Variants in PTGER3 observed in about 807,000 individuals in gnomAD.
The protein encoded by PTGER3 is prostaglandin E2 receptor EP3 subtype.
PTGER3 carries 22 observed loss-of-function variants against 34.7 expected under a neutral mutation model. The observed-to-expected ratio is 0.63, with a 90% CI of 0.45 to 0.91. The LOEUF is 0.91. Ranked by LOEUF, PTGER3 falls within the 40% of genes least tolerant of loss-of-function variation. PTGER3 has a pLI of 0.00. For synonymous variants in PTGER3, 241 were observed against 230.1 expected (o/e 1.05, Z -0.43); for missense variants, 468 against 519.4 (o/e 0.90, Z 0.96).
intron 4 of PTGER3, among the ~76,000 whole-genome samples, chr1:70,940,741 AC>A: frequency 1.3e-5 from 2 of 152,278 alleles, no homozygotes; most frequent in South Asian, 4.2e-4. Flanking sequence ...CCCTCCCACA[AC>A]ACGTGGGAAT....
Position 71,007,611 on chromosome 1 carries a change from C to T in PTGER3, c.1077+4694G>A, listed in dbSNP as rs2100838471. On this transcript the variant is annotated intron_variant, in intron 2 of 3. Transcript: ENST00000306666. ...CATATCTTTTTCTATGTTCTCTGCC[C>T]CACCCACATGAGTATCCTTTCAAAA... 3.0e-6 allele frequency: 3 copies of T among 985,304 alleles called. No homozygotes were observed. In the South Asian group the frequency reaches 1.4e-4, roughly 46 times the overall value. 61.0% of individuals were successfully genotyped at this position (985,304 alleles called of 1,614,324 possible). A position where few individuals can be genotyped will look rare whatever the true frequency, so the allele number is the denominator to read the frequency against.
At chr1:70,874,617 C>A (rs2100559780) in intron 4 of PTGER3, among the ~76,000 whole-genome samples, 1 of 152,082 alleles carries the variant, frequency 6.6e-6, no homozygotes, top group East Asian at 1.9e-4. Flanking sequence ...TGTTTTCTTT[C>A]TTTGAGACTC....
At chr1:70,876,146 T>C (rs565201015) in intron 4 of PTGER3, among the ~76,000 whole-genome samples, 1 of 152,240 alleles carries the variant, frequency 6.6e-6, no homozygotes, top group East Asian at 1.9e-4. Flanking sequence ...CTGGTATAGA[T>C]GGTATTTCAT....
chr1:70,947,641 C>T (rs622721), downstream of PTGER3, among the ~76,000 whole-genome samples: 49,503 of 151,856 alleles, frequency 0.33, 8,909 homozygotes, highest in South Asian at 0.43. Flanking sequence ...TCGAATTAAC[C>T]TTCACATCGG....
intron 2 of PTGER3, among the ~76,000 whole-genome samples, chr1:70,975,043 G>A (rs559865980): frequency 6.6e-6 from 1 of 152,120 alleles, no homozygotes; most frequent in Admixed American, 6.5e-5. Context: ...ACTAGGACTG[G>A]TGCCTCACTA....
chr1:70,990,459 A>G lies in PTGER3; in HGVS notation c.1078-16071T>C, dbSNP rs139517175. ...CAATGTATAATATATATATACATATATTATACATATATATACACATATATG... is the reference window on the plus strand; with the variant it reads ...CAATGTATAATATATATATACATATGTTATACATATATATACACATATATG... On this transcript the variant is annotated intron_variant, in intron 2 of 3. Transcript: ENST00000306666. 4.8e-4 allele frequency among the ~76,000 whole-genome samples: 72 copies of G among 148,754 alleles called. 1 individual carries two copies. The highest frequency in any genetic ancestry group is 1.7e-3 in the African/African-American group (68 of 40,748).
At chr1:70,968,543 T>A (rs1652771617), downstream of PTGER3, among the ~76,000 whole-genome samples, 1 of 152,082 alleles carries the variant, frequency 6.6e-6, no homozygotes, top group Non-Finnish European at 1.5e-5. Context: ...ACCAGTGTTT[T>A]GCTGAATTAC....
rs1391683744 is a variant in PTGER3 at position 70,852,910 on chromosome 1, ATATCT to A, written c.*24-56_*24-52del. 6 of 1,566,338 alleles carry A rather than the reference ATATCT, an allele frequency of 3.8e-6. No homozygotes were observed. In the East Asian group the frequency reaches 6.7e-5, roughly 18 times the overall value. On this transcript the variant is annotated intron_variant, in intron 4 of 4. Transcript: ENST00000370931. Reference sequence around the variant, plus strand: ...ATAGCCAATAATAAATGCACTGTTAATATCTTAAATAAAAATCAAAGGCAATAAAT... The same window carrying A: ...ATAGCCAATAATAAATGCACTGTTAATAAATAAAAATCAAAGGCAATAAAT...
chr1:71,031,647 A>G (rs1298144678), intron 1 of PTGER3, among the ~76,000 whole-genome samples: 2 of 152,190 alleles, frequency 1.3e-5, no homozygotes, highest in African/African-American at 4.8e-5. Flanking sequence ...TTCCAGCAGG[A>G]CTTTGGCTGT....
intron 4 of PTGER3, among the ~76,000 whole-genome samples, chr1:70,870,304 C>G (rs1314252583): frequency 6.6e-6 from 1 of 152,206 alleles, no homozygotes; most frequent in African/African-American, 2.4e-5. Context: ...GAGCCCTGGG[C>G]CTGGCCCACA....
intron 1 of PTGER3, among the ~76,000 whole-genome samples, chr1:71,041,957 A>G (rs564005809): frequency 6.6e-6 from 1 of 152,302 alleles, no homozygotes; most frequent in Non-Finnish European, 1.5e-5. Flanking sequence ...AGTCTGTTAC[A>G]GATGCCTGTG....
intron 3 of PTGER3, chr1:70,953,638 A>G: frequency 7.1e-7 from 1 of 1,403,242 alleles, no homozygotes; most frequent in Non-Finnish European, 9.5e-7. Flanking sequence ...GTTCCTTCAC[A>G]TTCTTGATAG....
chr1:70,917,300 T>C (rs977150143), intron 4 of PTGER3, among the ~76,000 whole-genome samples: 1 of 151,890 alleles, frequency 6.6e-6, no homozygotes, highest in African/African-American at 2.4e-5. Flanking sequence ...GTTTGTCTTT[T>C]TGTGCCTGTT....
At chr1:70,878,256 C>T (rs958210123) in intron 4 of PTGER3, among the ~76,000 whole-genome samples, 1 of 152,068 alleles carries the variant, frequency 6.6e-6, no homozygotes, top group Admixed American at 6.6e-5. Context: ...AGTTTGTATG[C>T]ATAGAGGTGT....
chr1:71,047,139 T>G lies in PTGER3; in HGVS notation c.439A>C (p.Ile147Leu), dbSNP rs767556937. The change falls in exon 1 of 4, where the codon ATC becomes CTC. Residue 147 changes from isoleucine to leucine, a missense_variant. Transcript: ENST00000306666. Reference protein sequence around the residue: ...MTVFGLSSLFIASAMAVERAL... With the variant: ...MTVFGLSSLFLASAMAVERAL... ...CGCTCGACGGCCATGGCGCTGGCGA[T>G]GAACAACGAGGAGAGCCCGAAAACA... The G allele has an allele frequency of 7.5e-6, 12 of 1,601,936 alleles. No homozygotes were observed. In the Admixed American group the frequency reaches 2.1e-4, roughly 28 times the overall value.
chr1:70,891,867 T>C (rs1646625063), intron 4 of PTGER3, among the ~76,000 whole-genome samples: 2 of 152,194 alleles, frequency 1.3e-5, no homozygotes, highest in African/African-American at 2.4e-5. Context: ...TTATATAATA[T>C]GGAAAACCAT....
At chr1:70,935,693 A>ATATT (rs1491421864) in intron 4 of PTGER3, among the ~76,000 whole-genome samples, 1 of 140,726 alleles carries the variant, frequency 7.1e-6, no homozygotes, top group African/African-American at 2.6e-5. Flanking sequence ...ATATATATAT[A>ATATT]TGTTCTGCTT....
At chr1:71,004,628 T>A (rs1358435375) in intron 2 of PTGER3, among the ~76,000 whole-genome samples, 1 of 152,212 alleles carries the variant, frequency 6.6e-6, no homozygotes, top group Non-Finnish European at 1.5e-5. Flanking sequence ...TATAACAGAT[T>A]TTTTAAAGGT....
chr1:70,943,619 C>T (rs899936255), intron 4 of PTGER3, among the ~76,000 whole-genome samples: 1 of 152,034 alleles, frequency 6.6e-6, no homozygotes, highest in Non-Finnish European at 1.5e-5. Flanking sequence ...TTGGTTTAAC[C>T]CAGTCTCTAT....
Sources: gnomAD v4.1 joint callset for allele counts (sites outside exome capture counted in the v4.1 genomes callset) on GRCh38, gnomAD v4.1.1 for gene constraint, MANE v1.5 for transcripts, NCBI Gene and HGNC (gene_info 2026-07-23, HGNC 2026-07-21) for gene names.